The following HPGDS variants were observed in gnomAD, a reference collection of about 807,000 sequenced individuals.
HPGDS encodes hematopoietic prostaglandin D synthase.
Under a neutral mutation model 23.1 loss-of-function variants are expected in HPGDS, and 26 were observed. The observed-to-expected ratio is 1.13, with a 90% CI of 0.83 to 1.56. HPGDS has a LOEUF of 1.56. HPGDS is among the 40% of genes most tolerant of loss of function. The pLI is 0.00. For synonymous variants in HPGDS, 95 were observed against 77.9 expected, an observed-to-expected ratio of 1.22 and a Z score of -1.16; for missense variants, 268 against 236.4, an observed-to-expected ratio of 1.13 and a Z score of -0.88.
At chr4:94,310,080 T>G in intron 3 of HPGDS, among the ~76,000 whole-genome samples, 1 of 152,176 alleles carries the variant, frequency 6.6e-6, no homozygotes, top group South Asian at 2.1e-4. Flanking sequence ...TTCTGTAGGT[T>G]GCCTGTTCAC....
chr4:94,339,149 A>G (rs997980381), intron 1 of HPGDS, among the ~76,000 whole-genome samples: 1 of 152,216 alleles, frequency 6.6e-6, no homozygotes. Flanking sequence ...ACTTTCTATC[A>G]AACACAGAAA....
At chr4:94,313,344 A>G (rs908079105) in intron 3 of HPGDS, among the ~76,000 whole-genome samples, 6 of 152,206 alleles carry the variant, frequency 3.9e-5, no homozygotes, top group African/African-American at 7.2e-5. Flanking sequence ...TGGTGACAAA[A>G]TCTCTCAGCA....
In HPGDS at chr4:94,298,538, T is replaced by G. The variant is rs1181826015; in HGVS notation, c.*942A>C. The G allele has an allele frequency of 6.6e-6, 1 of 152,324 alleles. No homozygotes were observed. Among genetic ancestry groups the G allele is most frequent in the Non-Finnish European group, 1.5e-5 (1 of 68,130 alleles). 9.4% of individuals were successfully genotyped at this position (152,324 alleles called of 1,614,324 possible). A position where few individuals can be genotyped will look rare whatever the true frequency, so the allele number is the denominator to read the frequency against. On this transcript the variant is annotated 3_prime_UTR_variant, in exon 6 of 6. Coordinates refer to ENST00000295256, the MANE Select transcript of HPGDS (RefSeq NM_014485.3). ...AACGTGGCTGTTTATTTCACCTGGG[T>G]GCAGGTGGGCTGAGTCCGAAAAGAG...
chr4:94,316,985 C>T (rs1039593048), intron 3 of HPGDS, among the ~76,000 whole-genome samples: 1 of 152,216 alleles, frequency 6.6e-6, no homozygotes, highest in Non-Finnish European at 1.5e-5. Flanking sequence ...TTCTTCTAAA[C>T]TTTCAAAGTA....
intron 4 of HPGDS, among the ~76,000 whole-genome samples, chr4:94,308,299 G>A (rs1488191268): frequency 6.6e-6 from 1 of 152,060 alleles, no homozygotes; most frequent in Non-Finnish European, 1.5e-5. Flanking sequence ...TTCAGGTTAG[G>A]AATGCTTAAC....
At chr4:94,325,091 G>T (rs751897221) in intron 2 of HPGDS, among the ~76,000 whole-genome samples, 1 of 152,188 alleles carries the variant, frequency 6.6e-6, no homozygotes, top group East Asian at 1.9e-4. Flanking sequence ...ACCAGCGGAG[G>T]CTGCAGAACA....
chr4:94,302,070 T>C (rs1358574784), intron 5 of HPGDS, 76 bp downstream of exon 5: 1 of 1,085,920 alleles, frequency 9.2e-7, no homozygotes, highest in Non-Finnish European at 1.4e-6. Flanking sequence ...GGTAACTTTT[T>C]TTCAGTAAGT....
intron 3 of HPGDS, among the ~76,000 whole-genome samples, chr4:94,313,010 T>G (rs1256923519): frequency 6.6e-6 from 1 of 152,146 alleles, no homozygotes; most frequent in African/African-American, 2.4e-5. Flanking sequence ...CTCCATCCCT[T>G]TATTTTGAGC....
chr4:94,309,223 A>G (rs1260183873), intron 3 of HPGDS, among the ~76,000 whole-genome samples: 9 of 151,246 alleles, frequency 6.0e-5, no homozygotes, highest in Non-Finnish European at 2.9e-5. Context: ...TGCACCCATT[A>G]ACTCGTCATT....
At chr4:94,308,406 T>G (rs1189023350) in intron 4 of HPGDS, among the ~76,000 whole-genome samples, 1 of 152,130 alleles carries the variant, frequency 6.6e-6, no homozygotes, top group Non-Finnish European at 1.5e-5. Flanking sequence ...GTGTAAATCC[T>G]AAAGAAACTG....
chr4:94,334,416 GA>G, intron 2 of HPGDS, 80 bp downstream of exon 2: 1 of 1,319,776 alleles, frequency 7.6e-7, no homozygotes, highest in Non-Finnish European at 1.0e-6. Context: ...CGAAAACCTT[GA>G]TTTTTTTTTC....
chr4:94,327,575 T>G (rs1756658613), intron 2 of HPGDS, among the ~76,000 whole-genome samples: 1 of 152,174 alleles, frequency 6.6e-6, no homozygotes, highest in African/African-American at 2.4e-5. Flanking sequence ...TCCCCGGGCT[T>G]CATAAAGGTG....
In HPGDS at chr4:94,334,613, A is replaced by C. The variant is rs1234378769; in HGVS notation, c.17T>G (p.Leu6Arg). ...TCTCCCCCTCATATTAAAATAAGTG[A>C]GTTTGTAGTTTGGCATGGTGCAATT... is the stretch of plus-strand genomic sequence containing the variant. MPNYK[L>R]TYFNMRGRAE... The change falls in exon 2 of 6, where the codon CTC becomes CGC. Residue 6 changes from leucine (L) to arginine (R), a missense_variant. Transcript: ENST00000295256. The C allele has an allele frequency of 6.2e-7, 1 of 1,613,018 alleles. No individual in the cohort carries two copies. The highest frequency in any genetic ancestry group is 1.3e-5 in the African/African-American group (1 of 74,876).
chr4:94,342,631 T>C (rs1424525686), intron 1 of HPGDS, among the ~76,000 whole-genome samples, 164 bp downstream of exon 1: 2 of 152,218 alleles, frequency 1.3e-5, no homozygotes, highest in Admixed American at 6.5e-5. Context: ...TATTCGCATA[T>C]ATGGAGAGGT....
At chr4:94,330,214 C>A (rs1377382452) in intron 2 of HPGDS, among the ~76,000 whole-genome samples, 1 of 152,190 alleles carries the variant, frequency 6.6e-6, no homozygotes, top group East Asian at 1.9e-4. Context: ...CACAGATGGT[C>A]CAGGGAAGAA....
chr4:94,326,565 T>A (rs897531883), intron 2 of HPGDS, among the ~76,000 whole-genome samples: 7 of 152,162 alleles, frequency 4.6e-5, no homozygotes, highest in Admixed American at 3.3e-4. Context: ...GGATTTTTTT[T>A]ATAATATCTA....
chr4:94,301,076 G>A (rs17310526), intron 5 of HPGDS, among the ~76,000 whole-genome samples: 57,579 of 151,950 alleles, frequency 0.38, 11,922 homozygotes, highest in East Asian at 0.71. Context: ...AAGGCTATGA[G>A]GGGAGTCAGA....
chr4:94,336,597 G>A (rs921888602), intron 1 of HPGDS, among the ~76,000 whole-genome samples: 2 of 152,092 alleles, frequency 1.3e-5, no homozygotes, highest in Non-Finnish European at 2.9e-5. Context: ...AAAGAGACAA[G>A]AATTGACTAA....
rs1012897151 is a variant in HPGDS, at chr4:94,311,402, T to G, written c.227-2659A>C. Among the ~76,000 whole-genome samples the G allele has an allele frequency of 2.0e-4, 30 of 151,056 alleles. 1 individual carries two copies. Among genetic ancestry groups the G allele is most frequent in the African/African-American group, 7.4e-4 (30 of 40,684 alleles). On this transcript the variant is annotated intron_variant, in intron 3 of 5. Coordinates refer to ENST00000295256, the MANE Select transcript of HPGDS (RefSeq NM_014485.3). ...TGCATCTATTGAGATAATCATGTGG[T>G]TTTTTGTCATCGGTTGTGTTTATAT...
Sources: allele counts gnomAD v4.1 joint callset (sites outside exome capture counted in the v4.1 genomes callset), GRCh38; gene constraint gnomAD v4.1.1; transcripts MANE v1.5; gene names NCBI Gene and HGNC (gene_info 2026-07-23, HGNC 2026-07-21).